The following ARHGEF10 variants were observed in gnomAD, a reference collection of about 807,000 sequenced individuals.
The protein encoded by ARHGEF10 is Rho guanine nucleotide exchange factor (GEF) 10.
Under a neutral mutation model 147.4 loss-of-function variants are expected in ARHGEF10, and 140 were observed. The ratio of observed to expected loss-of-function variants is 0.95; its 90% CI spans 0.83 to 1.09. ARHGEF10 has a LOEUF of 1.09. ARHGEF10 is among the 50% of genes least tolerant of loss of function. ARHGEF10 has a pLI of 0.00. For synonymous variants in ARHGEF10, 902 were observed against 695.8 expected (o/e 1.30, Z -4.67); for missense variants, 2,222 against 1,752.7 (o/e 1.27, Z -4.78).
intron 1 of ARHGEF10, among the ~76,000 whole-genome samples, chr8:1,830,612 A>G (rs1448804624): frequency 6.6e-6 from 1 of 152,238 alleles, no homozygotes; most frequent in Non-Finnish European, 1.5e-5. Flanking sequence ...CGTGCTAAGT[A>G]CTAAGTGCTC....
At chr8:1,838,864 A>G (rs1803750539) in intron 1 of ARHGEF10, among the ~76,000 whole-genome samples, 3 of 148,278 alleles carry the variant, frequency 2.0e-5, no homozygotes, top group Non-Finnish European at 4.5e-5. Flanking sequence ...TGGTGTGGGG[A>G]CTGTCCAGCG....
chr8:1,854,139 G>A (rs1212523013), intron 2 of ARHGEF10, among the ~76,000 whole-genome samples: 4 of 152,212 alleles, frequency 2.6e-5, no homozygotes. Flanking sequence ...GGTGGGGTCT[G>A]TGATGCCCAG....
chr8:1,907,084 G>T (rs1409648256), intron 17 of ARHGEF10, among the ~76,000 whole-genome samples: 6 of 152,196 alleles, frequency 3.9e-5, no homozygotes, highest in African/African-American at 1.2e-4. Flanking sequence ...ACGGAGTGAG[G>T]CCGTGGGAGG....
intron 2 of ARHGEF10, among the ~76,000 whole-genome samples, chr8:1,852,125 C>T (rs1455482298): frequency 3.9e-5 from 6 of 152,156 alleles, no homozygotes; most frequent in Non-Finnish European, 8.8e-5. Flanking sequence ...TAAATAACAA[C>T]AACAACTGAG....
intron 14 of ARHGEF10, among the ~76,000 whole-genome samples, chr8:1,897,995 T>C (rs1810147262): frequency 6.6e-6 from 1 of 152,136 alleles, no homozygotes; most frequent in Non-Finnish European, 1.5e-5. Flanking sequence ...CAGGTCAACA[T>C]TGCCCAACAG....
In ARHGEF10 at chr8:1,880,312, G is replaced by A. The variant is rs567783320; in HGVS notation, c.960+148G>A. ...AATCCCCCGACGCTTTGGGGCTCACGTGGACTCTGAGACGCTCTGTGCCTT... is the reference window on the plus strand; with the variant it reads ...AATCCCCCGACGCTTTGGGGCTCACATGGACTCTGAGACGCTCTGTGCCTT... On this transcript the variant is annotated intron_variant, in intron 9 of 28. Transcript: ENST00000349830. 2.1e-4 allele frequency: 146 copies of A among 679,466 alleles called. No homozygotes were observed. In the East Asian group the frequency reaches 3.3e-3, roughly 15 times the overall value. The allele number at this position is 679,466 out of a possible 1,614,324, so 42.1% of individuals were successfully genotyped here. A position where few individuals can be genotyped will look rare whatever the true frequency, so the allele number is the denominator to read the frequency against.
chr8:1,908,695 G>C (rs891609362), intron 17 of ARHGEF10, among the ~76,000 whole-genome samples: 1 of 151,956 alleles, frequency 6.6e-6, no homozygotes. Context: ...TGTTGGCGCA[G>C]GTCGTTTCCA....
chr8:1,872,889 C>G (rs994314386), intron 7 of ARHGEF10, among the ~76,000 whole-genome samples: 1 of 152,168 alleles, frequency 6.6e-6, no homozygotes, highest in African/African-American at 2.4e-5. Context: ...CAGGAAAACT[C>G]CTAGGTGCTT....
chr8:1,935,089 T>G (rs1254769341), intron 26 of ARHGEF10, among the ~76,000 whole-genome samples: 1 of 152,164 alleles, frequency 6.6e-6, no homozygotes, highest in Non-Finnish European at 1.5e-5. Flanking sequence ...CAACTAACAT[T>G]GCCTATTAAA....
chr8:1,874,258 T>G (rs899743362), intron 7 of ARHGEF10, among the ~76,000 whole-genome samples: 8 of 150,810 alleles, frequency 5.3e-5, no homozygotes, highest in Non-Finnish European at 8.9e-5. Flanking sequence ...AACCACCCGT[T>G]TTTCACACAT....
chr8:1,865,553 CA>C (rs1172406340), intron 5 of ARHGEF10, among the ~76,000 whole-genome samples: 5 of 152,170 alleles, frequency 3.3e-5, no homozygotes, highest in African/African-American at 9.6e-5. Flanking sequence ...CCCCGGCACC[CA>C]GGGGGCCGTC....
At chr8:1,889,998 C>G (rs1188428656) in intron 11 of ARHGEF10, among the ~76,000 whole-genome samples, 3 of 125,946 alleles carry the variant, frequency 2.4e-5, no homozygotes, top group African/African-American at 1.0e-4. Context: ...TGTGAGCAAT[C>G]TGTGAGGAGA....
intron 4 of ARHGEF10, among the ~76,000 whole-genome samples, chr8:1,860,618 C>T (rs1284962370): frequency 6.6e-6 from 1 of 152,158 alleles, no homozygotes; most frequent in African/African-American, 2.4e-5. Context: ...GAGGGAAGGC[C>T]AGGGTGTATG....
chr8:1,894,318 G>A (rs1809792506), intron 12 of ARHGEF10, 75 bp from the exon 13 acceptor site: 1 of 1,527,226 alleles, frequency 6.5e-7, no homozygotes, highest in Non-Finnish European at 9.0e-7. Context: ...CCACTGCGCT[G>A]CACCCTGGAC....
intron 16 of ARHGEF10, among the ~76,000 whole-genome samples, chr8:1,905,246 T>C (rs1810789528): frequency 7.1e-6 from 1 of 140,716 alleles, no homozygotes; most frequent in South Asian, 2.1e-4. Context: ...AAGTAAAATA[T>C]GGCCTACCTT....
At chr8:1,918,657 G>T (rs1019285287) in intron 18 of ARHGEF10, among the ~76,000 whole-genome samples, 5 of 152,192 alleles carry the variant, frequency 3.3e-5, no homozygotes, top group Non-Finnish European at 5.9e-5. Context: ...TTTGTTCATG[G>T]TGAGAACCTT....
At position 1,838,167 on chromosome 8, in the gene ARHGEF10, G is replaced by A. The variant is rs571564224; in HGVS notation, c.-47-5186G>A. Reference sequence around the variant, plus strand: ...TCCACCGGGGGTGCCGGGGGTGCCTGGTGCCTTCCTTTCTCTAACAGGCCT... The same window carrying A: ...TCCACCGGGGGTGCCGGGGGTGCCTAGTGCCTTCCTTTCTCTAACAGGCCT... On this transcript the variant is annotated intron_variant, in intron 1 of 28. Transcript: ENST00000349830. 1.6e-3 allele frequency among the ~76,000 whole-genome samples: 248 copies of A among 152,278 alleles called. 2 individuals carry two copies. Among genetic ancestry groups the A allele is most frequent in the African/African-American group, 5.9e-3 (245 of 41,558 alleles).
rs928781058 is a variant in ARHGEF10 at position 1,945,481 on chromosome 8, G to T, written c.3223G>T (p.Gly1075Cys). The T allele has an allele frequency of 1.9e-6, 3 of 1,593,988 alleles. No individual in the cohort carries two copies. Among genetic ancestry groups the T allele is most frequent in the Admixed American group, 1.8e-5 (1 of 56,568 alleles). ...CAGACTTGACCTCTCGATTTCACAG[G>T]GTCAGCTGGAGGCCCACCAGGAGGA... ...IISVETHAVE[G>C]QLEAHQEEGM... Residue 1075 changes from glycine (G) to cysteine (C), a missense_variant and splice_region_variant, in exon 27 of 29, where the codon GGT becomes TGT. Physicochemically the swap from Gly to Cys is radical, Grantham distance 159 (BLOSUM62 -3). Transcript: ENST00000349830.
Position 1,925,420 on chromosome 8 carries a change from G to A in ARHGEF10, c.2610+16G>A, listed in dbSNP as rs772381187. On this transcript the variant is annotated intron_variant, in intron 22 of 28. Coordinates refer to ENST00000349830, the MANE Select transcript of ARHGEF10 (RefSeq NM_014629.4). ...GGAGTTCAAGGTGAAGGGAGGCAGGGCCCGCGGCCCGGGGTGGGACGCACC... is the reference window on the plus strand; with the variant it reads ...GGAGTTCAAGGTGAAGGGAGGCAGGACCCGCGGCCCGGGGTGGGACGCACC... 2 of 1,613,500 alleles carry A rather than the reference G, an allele frequency of 1.2e-6. No individual in the cohort carries two copies. The highest frequency in any genetic ancestry group is 8.5e-7 in the Non-Finnish European group (1 of 1,179,910).
Sources: gnomAD v4.1 joint callset for allele counts (sites outside exome capture counted in the v4.1 genomes callset) on GRCh38, gnomAD v4.1.1 for gene constraint, MANE v1.5 for transcripts, NCBI Gene and HGNC (gene_info 2026-07-23, HGNC 2026-07-21) for gene names.